PLA2G4A: variants seen among roughly 807,000 people sequenced by gnomAD.
The protein encoded by PLA2G4A is cytosolic phospholipase A2.
Under a neutral mutation model 81.9 loss-of-function variants are expected in PLA2G4A, and 40 were observed. The observed-to-expected ratio is 0.49, with a 90% confidence interval of 0.38 to 0.64. The LOEUF (loss-of-function observed/expected upper bound fraction) is 0.64. PLA2G4A is among the 30% of genes least tolerant of loss of function. PLA2G4A has a pLI of 0.00. For missense variants in PLA2G4A, 715 were observed against 905.1 expected, an observed-to-expected ratio of 0.79 and a Z score of 2.69; for synonymous variants, 302 against 296.9, an observed-to-expected ratio of 1.02 and a Z score of -0.18.
chr1:186,931,044 C>A (rs924276440), intron 7 of PLA2G4A, among the ~76,000 whole-genome samples: 1 of 152,086 alleles, frequency 6.6e-6, no homozygotes, highest in African/African-American at 2.4e-5. Context: ...ACAACTACTG[C>A]TGCACCTAAT....
At chr1:186,910,975 A>G (rs1160893019) in intron 6 of PLA2G4A, among the ~76,000 whole-genome samples, 1 of 152,242 alleles carries the variant, frequency 6.6e-6, no homozygotes, top group African/African-American at 2.4e-5. Flanking sequence ...AGTCTTTGTT[A>G]TAATATTCAA....
rs1271453507 is a variant in PLA2G4A at position 186,912,746 on chromosome 1, A to ATAG, written c.558+1359_558+1360insGTA. The stretch of plus-strand genomic sequence containing the variant: ...TTTATATATACATATATATACATAT[A>ATAG]TATGTATATATATACATAAGTATAT... On this transcript the variant is annotated intron_variant, in intron 7 of 17. Transcript: ENST00000367466. Among the ~76,000 whole-genome samples the ATAG allele has an allele frequency of 1.7e-4, 25 of 143,616 alleles. No individual in the cohort carries two copies. The East Asian group carries it at 4.1e-3, about 24-fold the overall frequency. The allele number at this position is 143,616 out of a possible 152,430, so 94.2% of individuals were successfully genotyped here.
chr1:186,904,228 T>C (rs1294523366), intron 5 of PLA2G4A, among the ~76,000 whole-genome samples: 1 of 152,214 alleles, frequency 6.6e-6, no homozygotes, highest in African/African-American at 2.4e-5. Flanking sequence ...CACAACCAAC[T>C]TCTTCCTAAA....
At chr1:186,952,454 G>A (rs1378657220) in intron 13 of PLA2G4A, among the ~76,000 whole-genome samples, 1 of 152,080 alleles carries the variant, frequency 6.6e-6, no homozygotes, top group African/African-American at 2.4e-5. Context: ...ACAAAGTACA[G>A]AGTTCCCATA....
Position 186,894,150 on chromosome 1 carries a change from C to A in PLA2G4A, c.317C>A (p.Thr106Lys), listed in dbSNP as rs1558409861. 3 of 1,527,892 alleles carry A rather than the reference C, an allele frequency of 2.0e-6. No homozygotes were observed. Among genetic ancestry groups the A allele is most frequent in the Non-Finnish European group, 2.7e-6 (3 of 1,101,468 alleles). The allele number at this position is 1,527,892 out of a possible 1,614,324, so 94.6% of individuals were successfully genotyped here. Reference sequence around the variant, plus strand: ...ATGGATGAAACTCTAGGGACAGCAACATTTACTGTATCTTCTATGAAGGTG... The same window carrying A: ...ATGGATGAAACTCTAGGGACAGCAAAATTTACTGTATCTTCTATGAAGGTG... ...YVMDETLGTA[T>K]FTVSSMKVGE... is the part of the protein sequence containing the mutation. The change falls in exon 5 of 18, where the codon ACA becomes AAA. Residue 106 changes from threonine to lysine, a missense_variant. Physicochemically the swap from Thr to Lys is moderately conservative, Grantham distance 78. Coordinates refer to ENST00000367466, the MANE Select transcript of PLA2G4A (RefSeq NM_024420.3).
chr1:186,947,675 A>G (rs1571431037), intron 12 of PLA2G4A, among the ~76,000 whole-genome samples: 1 of 152,300 alleles, frequency 6.6e-6, no homozygotes, highest in East Asian at 1.9e-4. Flanking sequence ...TTTAATCAAC[A>G]TTAATTTTTG....
At chr1:186,908,824 A>T (rs1453420844) in intron 6 of PLA2G4A, among the ~76,000 whole-genome samples, 1 of 151,922 alleles carries the variant, frequency 6.6e-6, no homozygotes, top group Non-Finnish European at 1.5e-5. Flanking sequence ...GGACATAAAT[A>T]TATATTGTAA....
chr1:186,849,288 T>A (rs1652293256), intron 1 of PLA2G4A, among the ~76,000 whole-genome samples: 1 of 152,220 alleles, frequency 6.6e-6, no homozygotes, highest in African/African-American at 2.4e-5. Context: ...ATATGGCCAC[T>A]GACTTAATGC....
chr1:186,984,911 G>C (rs1412217819), intron 17 of PLA2G4A, among the ~76,000 whole-genome samples: 1 of 152,184 alleles, frequency 6.6e-6, no homozygotes, highest in Non-Finnish European at 1.5e-5. Context: ...ATGAGGTGGG[G>C]TTTTAATTTA....
intron 4 of PLA2G4A, 44 bp downstream of exon 4, chr1:186,893,203 T>C (rs1422330757): frequency 1.3e-6 from 2 of 1,528,076 alleles, no homozygotes; most frequent in African/African-American, 2.7e-5. Flanking sequence ...GTGATTCATG[T>C]TGAGAGACAT....
intron 6 of PLA2G4A, among the ~76,000 whole-genome samples, chr1:186,907,539 G>A (rs1398455109): frequency 1.3e-5 from 2 of 152,142 alleles, no homozygotes; most frequent in African/African-American, 2.4e-5. Context: ...ATTTTCAAAC[G>A]GCGAATTTTA....
At chr1:186,833,584 G>T (rs1405663797) in intron 1 of PLA2G4A, among the ~76,000 whole-genome samples, 1 of 152,060 alleles carries the variant, frequency 6.6e-6, no homozygotes, top group African/African-American at 2.4e-5. Context: ...TAGAGCAGAG[G>T]TTATTCTGGT....
At chr1:186,985,358 TA>T (rs933342417) in intron 17 of PLA2G4A, among the ~76,000 whole-genome samples, 34 of 151,442 alleles carry the variant, frequency 2.2e-4, no homozygotes, top group East Asian at 5.8e-4. Context: ...AGCGCTCGGA[TA>T]AAAAAAAATG....
In PLA2G4A at chr1:186,893,099, C is replaced by A; in HGVS notation, c.204C>A (p.Asn68Lys). The A allele has an allele frequency of 1.2e-6, 2 of 1,610,980 alleles. No individual in the cohort carries two copies. Among genetic ancestry groups the A allele is most frequent in the South Asian group, 1.1e-5 (1 of 91,014 alleles). Residue 68 changes from asparagine (N) to lysine (K), a missense_variant, in exon 4 of 18, where the codon AAC (asparagine) becomes AAA (lysine). Coordinates refer to ENST00000367466, the MANE Select transcript of PLA2G4A (RefSeq NM_024420.3). Reference protein sequence around the residue: ...KRTRHFNNDINPVWNETFEFI... With the variant: ...KRTRHFNNDIKPVWNETFEFI... ...CAAGACATTTCAATAATGACATAAA[C>A]CCTGTGTGGAATGAGACCTTTGAAT...
chr1:186,965,363 T>C (rs769834974), intron 14 of PLA2G4A, 46 bp from the exon 15 acceptor site: 1 of 1,320,234 alleles, frequency 7.6e-7, no homozygotes, highest in Non-Finnish European at 1.1e-6. Flanking sequence ...TAAATACTGA[T>C]GAATGATCAT....
At chr1:186,919,532 G>T (rs548847338) in intron 7 of PLA2G4A, among the ~76,000 whole-genome samples, 2 of 152,166 alleles carry the variant, frequency 1.3e-5, no homozygotes, top group Non-Finnish European at 2.9e-5. Context: ...GCAAGATGCA[G>T]CCTAGGTCTT....
At chr1:186,836,322 A>G (rs1238114183) in intron 1 of PLA2G4A, among the ~76,000 whole-genome samples, 1 of 151,046 alleles carries the variant, frequency 6.6e-6, no homozygotes. Context: ...TTGTTATTAT[A>G]TATTAATATG....
chr1:186,942,770 A>G (rs1656197375), intron 10 of PLA2G4A, among the ~76,000 whole-genome samples: 1 of 152,184 alleles, frequency 6.6e-6, no homozygotes, highest in African/African-American at 2.4e-5. Flanking sequence ...ATATTCAGTT[A>G]GTAGTCTTTG....
In PLA2G4A at chr1:186,988,395, G is replaced by T; in HGVS notation, c.2137G>T (p.Val713Phe). 1 of 1,612,110 alleles carries T rather than the reference G, an allele frequency of 6.2e-7. No individual in the cohort carries two copies. The highest frequency in any genetic ancestry group is 8.5e-7 in the Non-Finnish European group (1 of 1,178,428). ...NNIDVIKEAM[V>F]ESIEYRRQNP... ...TTTGCAGGTGATAAAAGAAGCCATG[G>T]TTGAAAGCATTGAATATAGAAGACA... Residue 713 changes from valine (V) to phenylalanine (F), a missense_variant, in exon 18 of 18, where the codon GTT (valine) becomes TTT (phenylalanine). By Grantham distance (50) the Val-to-Phe change is conservative (BLOSUM62 -1). Transcript: ENST00000367466.
Sources: gnomAD v4.1 joint callset for allele counts (sites outside exome capture counted in the v4.1 genomes callset) on GRCh38, gnomAD v4.1.1 for gene constraint, MANE v1.5 for transcripts, NCBI Gene and HGNC (gene_info 2026-07-23, HGNC 2026-07-21) for gene names.